AGPS: variants seen among roughly 807,000 people sequenced by gnomAD.
AGPS encodes the protein alkyldihydroxyacetonephosphate synthase, peroxisomal.
In AGPS, 26 loss-of-function variants were observed where a neutral mutation model predicts 90.7. That is an observed-to-expected ratio of 0.29 (90% CI 0.21 to 0.40). The LOEUF (loss-of-function observed/expected upper bound fraction) is 0.40, where lower values mean the gene tolerates loss of function less well. Ranked by LOEUF, AGPS falls within the 10% of genes least tolerant of loss-of-function variation. AGPS has a pLI of 1.00. For missense variants in AGPS, 540 were observed against 816.1 expected (o/e 0.66, Z 4.12); for synonymous variants, 294 against 285.3 (o/e 1.03, Z -0.31).
In AGPS at chr2:177,527,909, G is replaced by A. The variant is rs188305091; in HGVS notation, c.1855+4104G>A. ...TTTTCTATGTGGTCAAAATATGACCGCATGGAAACAGACTCTGAAATACCT... is the reference window on the plus strand; with the variant it reads ...TTTTCTATGTGGTCAAAATATGACCACATGGAAACAGACTCTGAAATACCT... On this transcript the variant is annotated intron_variant, in intron 19 of 19. Transcript: ENST00000264167. Among the ~76,000 whole-genome samples the A allele has an allele frequency of 1.0e-3, 156 of 152,142 alleles. 1 individual carries two copies. Among genetic ancestry groups the A allele is most frequent in the African/African-American group, 3.6e-3 (151 of 41,500 alleles).
intron 16 of AGPS, among the ~76,000 whole-genome samples, chr2:177,510,931 C>T (rs1688849471): frequency 6.6e-6 from 1 of 152,068 alleles, no homozygotes; most frequent in South Asian, 2.1e-4. Context: ...TTTGTGTATT[C>T]CTAAGTGTCC....
At chr2:177,521,194 G>T in intron 17 of AGPS, 75 bp from the exon 18 acceptor site, 1 of 1,279,532 alleles carries the variant, frequency 7.8e-7, no homozygotes, top group South Asian at 1.2e-5. Context: ...GGGTCGTCTT[G>T]ACTTTCAGTT....
intron 1 of AGPS, among the ~76,000 whole-genome samples, chr2:177,411,389 C>G (rs1685616116): frequency 6.6e-6 from 1 of 152,132 alleles, no homozygotes; most frequent in Non-Finnish European, 1.5e-5. Flanking sequence ...AGGCTTCTTC[C>G]TAGTTTTCCT....
At chr2:177,526,289 G>A (rs915517720) in intron 19 of AGPS, among the ~76,000 whole-genome samples, 10 of 149,426 alleles carry the variant, frequency 6.7e-5, no homozygotes, top group African/African-American at 2.5e-4. Flanking sequence ...GAGTGCAGCG[G>A]TGCGATCTCA....
intron 17 of AGPS, among the ~76,000 whole-genome samples, chr2:177,520,774 T>A (rs981542190): frequency 6.6e-6 from 1 of 152,230 alleles, no homozygotes; most frequent in Non-Finnish European, 1.5e-5. Flanking sequence ...TAAGTAATTT[T>A]GTTAAATGTC....
At chr2:177,447,880 C>G (rs561649850) in intron 8 of AGPS, among the ~76,000 whole-genome samples, 1 of 152,188 alleles carries the variant, frequency 6.6e-6, no homozygotes, top group Admixed American at 6.5e-5. Context: ...TTTCTTTCTG[C>G]AAGCTTAAAA....
chr2:177,411,963 C>G (rs1685633846), intron 1 of AGPS, among the ~76,000 whole-genome samples: 1 of 152,060 alleles, frequency 6.6e-6, no homozygotes, highest in Non-Finnish European at 1.5e-5. Context: ...CATTTACAAA[C>G]TTGGGGCCCT....
rs548167074 is a variant in AGPS, at chr2:177,408,167, G to A, written c.261-12102G>A. On this transcript the variant is annotated intron_variant, in intron 1 of 19. Transcript: ENST00000264167. ...AAGTGTAGAACATCAGCAGTTTCTC[G>A]TACTGTGTTTTAGGCTGATTGTCAG... Among the ~76,000 whole-genome samples the A allele has an allele frequency of 3.9e-5, 6 of 152,254 alleles. No homozygotes were observed. In the East Asian group the frequency reaches 5.8e-4, roughly 15 times the overall value.
At chr2:177,478,772 A>G (rs752594787) in intron 10 of AGPS, among the ~76,000 whole-genome samples, 1 of 151,952 alleles carries the variant, frequency 6.6e-6, no homozygotes, top group Non-Finnish European at 1.5e-5. Context: ...TCAAATTCAG[A>G]CACTTTAGAA....
intron 17 of AGPS, 116 bp from the exon 18 acceptor site, chr2:177,521,153 A>T: frequency 1.1e-6 from 1 of 929,600 alleles, no homozygotes; most frequent in Non-Finnish European, 1.7e-6. Flanking sequence ...GGCTGGGAAG[A>T]AACTGAGATT....
chr2:177,459,495 A>C (rs1255209072), intron 8 of AGPS, among the ~76,000 whole-genome samples: 10 of 152,236 alleles, frequency 6.6e-5, no homozygotes, highest in Non-Finnish European at 1.2e-4. Flanking sequence ...ACCCCATCAA[A>C]AAATGGGCAA....
At chr2:177,442,311 G>A (rs889748506) in intron 6 of AGPS, 96 bp from the exon 7 acceptor site, 2 of 928,624 alleles carry the variant, frequency 2.2e-6, no homozygotes, top group Non-Finnish European at 3.6e-6. Flanking sequence ...TTTTCTAGTG[G>A]CCCTATCTGT....
At chr2:177,479,237 A>G (rs1687872848) in intron 10 of AGPS, among the ~76,000 whole-genome samples, 1 of 151,646 alleles carries the variant, frequency 6.6e-6, no homozygotes, top group South Asian at 2.1e-4. Flanking sequence ...GGGGATTGAA[A>G]CCCCAGTTTT....
chr2:177,403,705 T>C (rs1685390542), intron 1 of AGPS, among the ~76,000 whole-genome samples: 1 of 152,244 alleles, frequency 6.6e-6, no homozygotes. Flanking sequence ...CATAAGCATA[T>C]GTGTGTGAGG....
At chr2:177,433,560 A>G (rs1029908714) in intron 2 of AGPS, among the ~76,000 whole-genome samples, 2 of 152,232 alleles carry the variant, frequency 1.3e-5, no homozygotes, top group African/African-American at 4.8e-5. Context: ...TTTTTCTTGA[A>G]TATGAGTCAT....
In AGPS at chr2:177,539,426, G is replaced by A. The variant is rs2079212366; in HGVS notation, c.*1231G>A. On this transcript the variant is annotated 3_prime_UTR_variant, in exon 20 of 20. Transcript: ENST00000264167. ...TCAAACCTGGATATTAAAGTGAAAT[G>A]ATTACTTTGAATCACTGTCTGCCAA... 1 of 151,914 alleles carries A rather than the reference G, an allele frequency of 6.6e-6. No homozygotes were observed. Among genetic ancestry groups the A allele is most frequent in the South Asian group, 2.1e-4 (1 of 4,828 alleles). 9.4% of individuals were successfully genotyped at this position (151,914 alleles called of 1,614,324 possible).
In AGPS at chr2:177,540,720, A is replaced by T. The variant is rs1349293622; in HGVS notation, c.*2525A>T. ...CCTATTTGGTTTTCAGTACTGCATA[A>T]CACTGACTTTCTTAAATTAGTCATA... On this transcript the variant is annotated 3_prime_UTR_variant, in exon 20 of 20. Transcript: ENST00000264167. The T allele has an allele frequency of 6.6e-6, 1 of 152,148 alleles. No homozygotes were observed. Among genetic ancestry groups the T allele is most frequent in the Admixed American group, 6.6e-5 (1 of 15,260 alleles). The allele number at this position is 152,148 out of a possible 1,614,324, so 9.4% of individuals were successfully genotyped here.
At chr2:177,501,651 TTTTG>T (rs889140881) in intron 14 of AGPS, among the ~76,000 whole-genome samples, 16 of 152,146 alleles carry the variant, frequency 1.1e-4, no homozygotes, top group Admixed American at 9.2e-4. Flanking sequence ...GTCAGGATTT[TTTTG>T]TTTGTTTGTT....
intron 8 of AGPS, among the ~76,000 whole-genome samples, chr2:177,459,629 C>T (rs141312179): frequency 0.037 from 5,606 of 152,230 alleles, 114 homozygotes; most frequent in East Asian, 0.079. Context: ...TACCATTTCA[C>T]GCCAGTTAGA....
Sources: allele counts gnomAD v4.1 joint callset (sites outside exome capture counted in the v4.1 genomes callset), GRCh38; gene constraint gnomAD v4.1.1; transcripts MANE v1.5; gene names NCBI Gene and HGNC (gene_info 2026-07-23, HGNC 2026-07-21).